The following ASAP1 variants were observed in gnomAD, a reference collection of about 807,000 sequenced individuals.
The protein encoded by ASAP1 is arf-GAP with SH3 domain, ANK repeat and PH domain-containing protein 1.
Under a neutral mutation model 145.2 loss-of-function variants are expected in ASAP1, and 43 were observed. The ratio of observed to expected loss-of-function variants is 0.30; its 90% CI spans 0.23 to 0.38. The LOEUF (loss-of-function observed/expected upper bound fraction) is 0.38. Ranked by LOEUF, ASAP1 falls within the 10% of genes least tolerant of loss-of-function variation. ASAP1 has a pLI of 1.00. For synonymous variants in ASAP1, 546 were observed against 515.5 expected (o/e 1.06, Z -0.80); for missense variants, 1,018 against 1,355.3 (o/e 0.75, Z 3.91).
chr8:130,307,805 G>A (rs542357223), intron 3 of ASAP1, among the ~76,000 whole-genome samples: 2 of 152,308 alleles, frequency 1.3e-5, no homozygotes, highest in Admixed American at 6.5e-5. Flanking sequence ...AGGAGTAACC[G>A]GTGATGGCGG....
intron 6 of ASAP1, 106 bp from the exon 7 acceptor site, chr8:130,187,391 T>C: frequency 2.2e-6 from 2 of 921,648 alleles, no homozygotes; most frequent in Non-Finnish European, 3.4e-6. Flanking sequence ...TATAGGACAC[T>C]GGGAACTTCA....
Position 130,276,760 on chromosome 8 carries a change from T to TCTCTCC in ASAP1, c.187-39767_187-39766insGGAGAG, listed in dbSNP as rs1333515760. On this transcript the variant is annotated intron_variant, in intron 3 of 29. Coordinates refer to ENST00000518721, the MANE Select transcript of ASAP1 (RefSeq NM_018482.4). ...CTCTCTCTCTCTCTCTCTCTCTCTC[T>TCTCTCC]CCTCTAACAAAAAAGCTCCATGGCA... Among the ~76,000 whole-genome samples, 1,112 of 130,274 alleles carry TCTCTCC rather than the reference T, an allele frequency of 8.5e-3. 21 individuals are homozygous for TCTCTCC. The highest frequency in any genetic ancestry group is 0.029 in the African/African-American group (997 of 33,882). The allele number at this position is 130,274 out of a possible 152,430, so 85.5% of individuals were successfully genotyped here.
rs371127154 is a variant in ASAP1, at chr8:130,127,975, C to T, written c.1333G>A (p.Val445Ile). Residue 445 changes from valine (V) to isoleucine (I), a missense_variant, in exon 16 of 30, where the codon GTC becomes ATC. Val to Ile is a conservative substitution (Grantham distance 29). This residue lies in a region of ASAP1 where 153 missense variants were observed against 221.6 expected (regional missense o/e 0.69). Coordinates refer to ENST00000518721, the MANE Select transcript of ASAP1 (RefSeq NM_018482.4). ...EDLTKAIIED[V>I]QRLPGNDICC... ...ATGTCATTCCCTGGGAGCCGCTGGA[C>T]ATCCTCAATAATGGCTTTTGTCAGG... 3 of 1,614,108 alleles carry T rather than the reference C, an allele frequency of 1.9e-6. No homozygotes were observed. Among genetic ancestry groups the T allele is most frequent in the African/African-American group, 1.3e-5 (1 of 75,006 alleles).
intron 3 of ASAP1, among the ~76,000 whole-genome samples, chr8:130,311,374 T>C (rs549167822): frequency 6.6e-5 from 10 of 152,378 alleles, no homozygotes; most frequent in Admixed American, 6.5e-5. Context: ...TGCTGTCTCA[T>C]AGAGACAATC....
chr8:130,273,717 C>T (rs1820715815), intron 3 of ASAP1, among the ~76,000 whole-genome samples: 1 of 152,136 alleles, frequency 6.6e-6, no homozygotes, highest in African/African-American at 2.4e-5. Flanking sequence ...GGTCACACTT[C>T]GAGGAGAACA....
intron 3 of ASAP1, among the ~76,000 whole-genome samples, chr8:130,293,021 T>C (rs1380831250): frequency 6.6e-6 from 1 of 152,252 alleles, no homozygotes; most frequent in Non-Finnish European, 1.5e-5. Flanking sequence ...TTGGCAAGTA[T>C]TAAACAGTGA....
chr8:130,438,766 A>G (rs1328119014), intron 1 of ASAP1, among the ~76,000 whole-genome samples: 1 of 152,218 alleles, frequency 6.6e-6, no homozygotes, highest in Non-Finnish European at 1.5e-5. Context: ...GGCACAGAGA[A>G]GAGCTCTGAC....
chr8:130,110,942 G>A (rs906963311), intron 24 of ASAP1, among the ~76,000 whole-genome samples: 2 of 152,126 alleles, frequency 1.3e-5, no homozygotes, highest in African/African-American at 4.8e-5. Flanking sequence ...GGATTCACTG[G>A]CAAAGACCAA....
At position 130,233,884 on chromosome 8, in the gene ASAP1, G is replaced by A. The variant is rs1818054804; in HGVS notation, c.259+3038C>T. 2.6e-5 allele frequency among the ~76,000 whole-genome samples: 4 copies of A among 152,206 alleles called. No individual in the cohort carries two copies. The South Asian group carries it at 8.3e-4, about 32-fold the overall frequency. On this transcript the variant is annotated intron_variant, in intron 4 of 29. Transcript: ENST00000518721. The stretch of plus-strand genomic sequence containing the variant: ...TGACAAATGCATAAACTACAAAAAC[G>A]AAAAACATAGTACTAGTCTTATCAA...
chr8:130,242,526 T>C (rs557782265), intron 3 of ASAP1, among the ~76,000 whole-genome samples: 1 of 152,200 alleles, frequency 6.6e-6, no homozygotes, highest in African/African-American at 2.4e-5. Context: ...TGGGCAATCA[T>C]GCTACCTTGA....
At chr8:130,335,019 G>T (rs1824943999) in intron 3 of ASAP1, among the ~76,000 whole-genome samples, 1 of 151,954 alleles carries the variant, frequency 6.6e-6, no homozygotes, top group African/African-American at 2.4e-5. Flanking sequence ...ATTCTCTCTG[G>T]CCACACTGCT....
intron 5 of ASAP1, among the ~76,000 whole-genome samples, chr8:130,198,071 G>C (rs1254600010): frequency 6.6e-6 from 1 of 152,002 alleles, no homozygotes; most frequent in Non-Finnish European, 1.5e-5. Context: ...CTGAGGCTAG[G>C]GGTTTGGCAC....
chr8:130,062,542 G>C (rs991208946), intron 27 of ASAP1, among the ~76,000 whole-genome samples: 1 of 152,218 alleles, frequency 6.6e-6, no homozygotes, highest in African/African-American at 2.4e-5. Context: ...AGGCAGTCAA[G>C]AGGGAAAAAG....
chr8:130,113,907 G>A (rs7816581), intron 23 of ASAP1, among the ~76,000 whole-genome samples: 2 of 151,704 alleles, frequency 1.3e-5, no homozygotes, highest in Non-Finnish European at 2.9e-5. Context: ...TCTGCCTCCC[G>A]GGCAGCTGGG....
intron 3 of ASAP1, among the ~76,000 whole-genome samples, chr8:130,243,159 C>A (rs984468435): frequency 5.3e-5 from 8 of 152,102 alleles, no homozygotes; most frequent in Non-Finnish European, 1.0e-4. Flanking sequence ...AAACCCTTTG[C>A]TAGAAGAAAT....
At chr8:130,238,375 T>C (rs1439093737) in intron 3 of ASAP1, among the ~76,000 whole-genome samples, 2 of 152,124 alleles carry the variant, frequency 1.3e-5, no homozygotes, top group Non-Finnish European at 2.9e-5. Context: ...AGAAAAGAGG[T>C]AGAGACACTC....
At chr8:130,122,960 G>A (rs1420289946) in intron 18 of ASAP1, among the ~76,000 whole-genome samples, 1 of 152,238 alleles carries the variant, frequency 6.6e-6, no homozygotes, top group African/African-American at 2.4e-5. Context: ...ATGTGCTTGA[G>A]CACTTGCTGT....
At chr8:130,224,983 C>T (rs532688912) in intron 4 of ASAP1, among the ~76,000 whole-genome samples, 1 of 152,338 alleles carries the variant, frequency 6.6e-6, no homozygotes, top group East Asian at 1.9e-4. Flanking sequence ...TCTCTTCAAC[C>T]ATATCAGCAC....
At chr8:130,328,814 A>G (rs1393785976) in intron 3 of ASAP1, among the ~76,000 whole-genome samples, 1 of 151,836 alleles carries the variant, frequency 6.6e-6, no homozygotes, top group East Asian at 1.9e-4. Context: ...TTTTTTGTAG[A>G]GATGGTGGTC....
Sources: allele counts gnomAD v4.1 joint callset (sites outside exome capture counted in the v4.1 genomes callset), GRCh38; gene constraint gnomAD v4.1.1; regional missense constraint gnomAD v4.1.1; transcripts MANE v1.5; gene names NCBI Gene and HGNC (gene_info 2026-07-23, HGNC 2026-07-21).